Variants in PHKA1 observed in about 807,000 individuals in gnomAD.
The protein encoded by PHKA1 is phosphorylase b kinase regulatory subunit alpha, skeletal muscle isoform.
Under a neutral mutation model 110.2 loss-of-function variants are expected in PHKA1, and 60 were observed. The observed-to-expected ratio is 0.54, with a 90% CI of 0.44 to 0.68. PHKA1 has a LOEUF of 0.68. Among genes scored for constraint, PHKA1 ranks in the 30% least tolerant of loss-of-function variants. The probability of loss-of-function intolerance (pLI) is 0.00; values close to 1 mark genes in which losing one functional copy is unlikely to be tolerated. For synonymous variants in PHKA1, 316 were observed against 333.6 expected, an observed-to-expected ratio of 0.95 and a Z score of 0.58; for missense variants, 801 against 942.5, an observed-to-expected ratio of 0.85 and a Z score of 1.97.
intron 6 of PHKA1, among the ~76,000 whole-genome samples, chrX:72,668,197 CG>C (rs1220498094): frequency 6.3e-5 from 7 of 111,650 alleles, no homozygotes; most frequent in African/African-American, 2.3e-4. Context: ...TCCTTGAGGT[CG>C]GGGATTATGT....
chrX:72,621,888 A>G, intron 18 of PHKA1: 1 of 753,386 alleles, frequency 1.3e-6, no homozygotes, highest in Non-Finnish European at 1.6e-6. Context: ...CGGAACTAGG[A>G]AAGTGACTCA....
At chrX:72,652,956 C>G (rs1021967607) in intron 11 of PHKA1, among the ~76,000 whole-genome samples, 1 of 111,416 alleles carries the variant, frequency 9.0e-6, no homozygotes. Flanking sequence ...TCTACTCATT[C>G]TCACCGGAAT....
chrX:72,619,201 T>A lies in PHKA1; in HGVS notation c.2229+13A>T, dbSNP rs1556273657. ...TCAAAAAGCTAATAGAAATACCTCC[T>A]GCACAAATTTACCTGGTTCTCCTGT... On this transcript the variant is annotated intron_variant, in intron 20 of 31. Coordinates refer to ENST00000373542, the MANE Select transcript of PHKA1 (RefSeq NM_002637.4). 1 of 1,077,226 alleles carries A rather than the reference T, an allele frequency of 9.3e-7. No individual in the cohort carries two copies. Among genetic ancestry groups the A allele is most frequent in the Non-Finnish European group, 1.3e-6 (1 of 773,328 alleles). 88.8% of individuals were successfully genotyped at this position (1,077,226 alleles called of 1,213,427 possible).
Position 72,622,483 on chromosome X carries a change from G to A in PHKA1, c.1960+626C>T, listed in dbSNP as rs2052993551. 4.0e-6 allele frequency: 3 copies of A among 752,245 alleles called. No individual in the cohort carries two copies. In the Admixed American group the frequency reaches 2.6e-4, roughly 66 times the overall value. The allele number at this position is 752,245 out of a possible 1,213,427, so 62.0% of individuals were successfully genotyped here. On this transcript the variant is annotated intron_variant, in intron 18 of 31. Coordinates refer to ENST00000373542, the MANE Select transcript of PHKA1 (RefSeq NM_002637.4). ...GCAACATAATGCCTGCTCTGCCTAA[G>A]TCAGTATTTTAACACTGTAGGGTAG...
chrX:72,604,374 C>A (rs1569427452), intron 25 of PHKA1, among the ~76,000 whole-genome samples: 1 of 111,141 alleles, frequency 9.0e-6, no homozygotes. Context: ...TTAAATGACA[C>A]AATATATGTA....
chrX:72,705,387 G>A, intron 2 of PHKA1, 142 bp from the exon 3 acceptor site: 1 of 440,719 alleles, frequency 2.3e-6, no homozygotes, highest in Admixed American at 2.8e-5. Flanking sequence ...TTACTTTATT[G>A]GTACACAGAA....
At chrX:72,665,706 T>C (rs184157007) in intron 8 of PHKA1, among the ~76,000 whole-genome samples, 1 of 112,240 alleles carries the variant, frequency 8.9e-6, no homozygotes, top group East Asian at 2.8e-4. Context: ...AGTTGGTACC[T>C]TGTATCTTTT....
At chrX:72,595,436 G>A (rs1220405989) in intron 28 of PHKA1, among the ~76,000 whole-genome samples, 2 of 110,987 alleles carry the variant, frequency 1.8e-5, no homozygotes, top group Non-Finnish European at 3.8e-5. Flanking sequence ...TTTATGGGGG[G>A]CCTGAACCAG....
chrX:72,588,732 A>G (rs996763751), intron 29 of PHKA1, among the ~76,000 whole-genome samples: 2 of 111,751 alleles, frequency 1.8e-5, no homozygotes, highest in Non-Finnish European at 3.8e-5. Flanking sequence ...ACAATAAAAA[A>G]TGATAAAGGG....
intron 29 of PHKA1, among the ~76,000 whole-genome samples, chrX:72,589,579 G>A: frequency 9.0e-6 from 1 of 111,219 alleles, no homozygotes; most frequent in Middle Eastern, 4.6e-3. Context: ...TCTGGACAGG[G>A]CAATCAGACA....
At chrX:72,622,188 G>A in intron 18 of PHKA1, 2 of 752,633 alleles carry the variant, frequency 2.7e-6, no homozygotes, top group Non-Finnish European at 1.6e-6. Flanking sequence ...GTGGTGCTTA[G>A]TGAGTAAATG....
intron 18 of PHKA1, chrX:72,622,048 T>C (rs902667029): frequency 2.7e-6 from 2 of 743,918 alleles, no homozygotes; most frequent in African/African-American, 4.6e-5. Flanking sequence ...ATTTTCAAAG[T>C]ATTTTATGCC....
rs144583035 is a variant in PHKA1 at position 72,611,071 on chromosome X, T to C, written c.2483A>G (p.Tyr828Cys). 1.2e-4 allele frequency: 150 copies of C among 1,206,496 alleles called. No homozygotes were observed. The highest frequency in any genetic ancestry group is 1.5e-4 in the Non-Finnish European group (137 of 892,457). Residue 828 changes from tyrosine to cysteine, a missense_variant, in exon 22 of 32, where the codon TAC becomes TGC. Transcript: ENST00000373542. ...TTTCTTCCTTAAGATCCCAGAAATG[T>C]ATCGGATCAGGCCCCAGTGACGAAT... ...GEIRHWGLIR[Y>C]ISGILRKKVE...
At chrX:72,676,201 T>C (rs1556311743) in intron 5 of PHKA1, 51 bp from the exon 6 acceptor site, 1 of 933,135 alleles carries the variant, frequency 1.1e-6, no homozygotes. Flanking sequence ...TACTAAATAC[T>C]TCCTAGATGC....
intron 21 of PHKA1, among the ~76,000 whole-genome samples, chrX:72,614,027 C>T (rs2052852772): frequency 9.0e-6 from 1 of 111,645 alleles, no homozygotes; most frequent in African/African-American, 3.3e-5. Flanking sequence ...TTTAGATGTT[C>T]TTTTCTATAA....
intron 13 of PHKA1, among the ~76,000 whole-genome samples, chrX:72,646,517 G>A (rs1262675559): frequency 9.0e-6 from 1 of 111,645 alleles, no homozygotes; most frequent in East Asian, 2.8e-4. Context: ...AGGTAAGGAA[G>A]AAATTGTTCC....
chrX:72,666,299 T>C lies in PHKA1; in HGVS notation c.718-2A>G. On this transcript the variant is annotated splice_acceptor_variant, in intron 7 of 31. Coordinates refer to ENST00000373542, the MANE Select transcript of PHKA1 (RefSeq NM_002637.4). LOFTEE classifies it high-confidence loss of function. Reference sequence around the variant, plus strand: ...GGGCAGTAGTGAATTTAGGATAGACTAAGAGAAAAGAAGTTAAGTTTATAT... The same window carrying C: ...GGGCAGTAGTGAATTTAGGATAGACCAAGAGAAAAGAAGTTAAGTTTATAT... 1 of 1,205,394 alleles carries C rather than the reference T, an allele frequency of 8.3e-7. No homozygotes were observed. Among genetic ancestry groups the C allele is most frequent in the Non-Finnish European group, 1.1e-6 (1 of 889,871 alleles).
At chrX:72,606,349 C>A (rs907561724) in intron 23 of PHKA1, among the ~76,000 whole-genome samples, 1 of 103,651 alleles carries the variant, frequency 9.6e-6, no homozygotes, top group Non-Finnish European at 2.0e-5. Flanking sequence ...TCAATTCACA[C>A]ACATGCACAC....
At chrX:72,694,909 A>C (rs2054087701) in intron 4 of PHKA1, among the ~76,000 whole-genome samples, 1 of 112,117 alleles carries the variant, frequency 8.9e-6, no homozygotes, top group African/African-American at 3.2e-5. Flanking sequence ...ACATTTATTC[A>C]GGAAGAAACC....
Sources: gnomAD v4.1 joint callset for allele counts (sites outside exome capture counted in the v4.1 genomes callset) on GRCh38, gnomAD v4.1.1 for gene constraint, MANE v1.5 for transcripts, NCBI Gene and HGNC (gene_info 2026-07-23, HGNC 2026-07-21) for gene names.